EME2: variants seen among roughly 807,000 people sequenced by gnomAD.
EME2 encodes structure-specific endonuclease subunit EME2.
In EME2, 58 loss-of-function variants were observed where a neutral mutation model predicts 41.9. That is an observed-to-expected ratio of 1.38 (90% CI 1.12 to 1.72). The LOEUF is 1.72. Ranked by LOEUF, EME2 falls within the 40% of genes most tolerant of loss-of-function variation. EME2 has a pLI of 0.00. For missense variants in EME2, 695 were observed against 541.9 expected (o/e 1.28, Z -2.81); for synonymous variants, 334 against 239.3 (o/e 1.40, Z -3.65).
At position 1,780,324 on chromosome 16, in the gene EME2, T is replaced by G. The variant is rs1054244992; in HGVS notation, c.*4086T>G. On this transcript the variant is annotated 3_prime_UTR_variant, in exon 8 of 8. Transcript: ENST00000568449. Reference sequence around the variant, plus strand: ...CACTCCTGCTCTGGTCCGAGGGAGATCTCAGGAAACCGACTGGGAAATCAC... The same window carrying G: ...CACTCCTGCTCTGGTCCGAGGGAGAGCTCAGGAAACCGACTGGGAAATCAC... 3 of 152,124 alleles carry G rather than the reference T, an allele frequency of 2.0e-5. No individual in the cohort carries two copies. The highest frequency in any genetic ancestry group is 7.3e-5 in the African/African-American group (3 of 41,356). 9.4% of individuals were successfully genotyped at this position (152,124 alleles called of 1,614,324 possible).
In EME2 at chr16:1,778,429, G is replaced by A. The variant is rs369818441; in HGVS notation, c.*2191G>A. ...AGTCCCAGCAGGGGCTGGGCCCCAC[G>A]CTCACACTCGTCTTCCTCTCCGCAG... On this transcript the variant is annotated 3_prime_UTR_variant, in exon 8 of 8. Coordinates refer to ENST00000568449, the MANE Select transcript of EME2 (RefSeq NM_001257370.2). The A allele has an allele frequency of 4.6e-5, 74 of 1,607,118 alleles. 1 individual carries two copies. Among genetic ancestry groups the A allele is most frequent in the East Asian group, 1.8e-4 (8 of 44,720 alleles).
rs957475807 is a variant in EME2, at chr16:1,777,598, C to T, written c.*1360C>T. The T allele has an allele frequency of 3.5e-6, 5 of 1,409,982 alleles. No homozygotes were observed. Among genetic ancestry groups the T allele is most frequent in the Non-Finnish European group, 3.8e-6 (4 of 1,053,376 alleles). The allele number at this position is 1,409,982 out of a possible 1,614,324, so 87.3% of individuals were successfully genotyped here. A position where few individuals can be genotyped will look rare whatever the true frequency, so the allele number is the denominator to read the frequency against. Reference sequence around the variant, plus strand: ...CGCTGGCCCTGCCACTCCAGCCTGGCCTCACTGTCCCACCCCCTGGGACCC... The same window carrying T: ...CGCTGGCCCTGCCACTCCAGCCTGGTCTCACTGTCCCACCCCCTGGGACCC... On this transcript the variant is annotated 3_prime_UTR_variant, in exon 8 of 8. Transcript: ENST00000568449.
At position 1,776,344 on chromosome 16, in the gene EME2, G is replaced by A; in HGVS notation, c.*106G>A. 2.5e-6 allele frequency: 3 copies of A among 1,202,450 alleles called. No individual in the cohort carries two copies. Among genetic ancestry groups the A allele is most frequent in the Non-Finnish European group, 3.6e-6 (3 of 841,086 alleles). The allele number at this position is 1,202,450 out of a possible 1,614,324, so 74.5% of individuals were successfully genotyped here. A position where few individuals can be genotyped will look rare whatever the true frequency, so the allele number is the denominator to read the frequency against. ...ACATGTGGACCCTCAGCCTGGGTGG[G>A]TTCTCTGGCTGAGCAGGTCTGACCT... On this transcript the variant is annotated 3_prime_UTR_variant, in exon 8 of 8. Transcript: ENST00000568449.
intron 2 of EME2, 60 bp from the exon 3 acceptor site, chr16:1,774,200 C>T (rs1239323906): frequency 1.4e-6 from 2 of 1,470,392 alleles, no homozygotes; most frequent in Non-Finnish European, 1.9e-6. Flanking sequence ...ACTGCCCAGG[C>T]AGGGCCCCTG....
chr16:1,779,944 AC>A lies in EME2; in HGVS notation c.*3709del, dbSNP rs1896659133. The A allele has an allele frequency of 6.6e-6, 1 of 151,850 alleles. No homozygotes were observed. The allele number at this position is 151,850 out of a possible 1,614,324, so 9.4% of individuals were successfully genotyped here. On this transcript the variant is annotated 3_prime_UTR_variant, in exon 8 of 8. Transcript: ENST00000568449. The stretch of plus-strand genomic sequence containing the variant: ...TCCAGGAGACCTCAGGACGGCCCCC[AC>A]CCGGTGGGTAAGGACCCTGTTTCCC...
In EME2 at chr16:1,777,995, G is replaced by C; in HGVS notation, c.*1757G>C. ...CCTCATCCCTGCCCAGCAGGCTGCA[G>C]AACGTGTGGCGGTATTTGTCCAGGT... On this transcript the variant is annotated 3_prime_UTR_variant, in exon 8 of 8. Coordinates refer to ENST00000568449, the MANE Select transcript of EME2 (RefSeq NM_001257370.2). The C allele has an allele frequency of 6.2e-7, 1 of 1,613,216 alleles. No homozygotes were observed. The highest frequency in any genetic ancestry group is 8.5e-7 in the Non-Finnish European group (1 of 1,179,968).
chr16:1,776,470 C>G lies in EME2; in HGVS notation c.*232C>G. On this transcript the variant is annotated 3_prime_UTR_variant, in exon 8 of 8. Transcript: ENST00000568449. ...GGCGGTTCCTGTGCTGAGTCCTGAA[C>G]ACGTAGGCCCCAGGGGAGGCCTCAG... 2.1e-6 allele frequency: 1 copy of G among 470,814 alleles called. No individual in the cohort carries two copies. Among genetic ancestry groups the G allele is most frequent in the South Asian group, 2.7e-5 (1 of 36,366 alleles). 29.2% of individuals were successfully genotyped at this position (470,814 alleles called of 1,614,324 possible).
chr16:1,781,237 C>T lies in EME2; in HGVS notation c.*4999C>T, dbSNP rs1484189878. On this transcript the variant is annotated 3_prime_UTR_variant, in exon 8 of 8. Transcript: ENST00000568449. Reference sequence around the variant, plus strand: ...AGACAGGCCCAGGTTTGGACTGGTCCTCTAGCCTCAGAAGCATCTTTTTCT... The same window carrying T: ...AGACAGGCCCAGGTTTGGACTGGTCTTCTAGCCTCAGAAGCATCTTTTTCT... 1.3e-6 allele frequency: 2 copies of T among 1,594,642 alleles called. No homozygotes were observed. Among genetic ancestry groups the T allele is most frequent in the African/African-American group, 1.3e-5 (1 of 74,712 alleles).
chr16:1,776,948 T>C lies in EME2; in HGVS notation c.*710T>C. Reference sequence around the variant, plus strand: ...CCTAGAGCCCCCACAGAAAGGACTGTCCCAGCCTCGGGAGCAAGAGATGGC... The same window carrying C: ...CCTAGAGCCCCCACAGAAAGGACTGCCCCAGCCTCGGGAGCAAGAGATGGC... On this transcript the variant is annotated 3_prime_UTR_variant, in exon 8 of 8. Coordinates refer to ENST00000568449, the MANE Select transcript of EME2 (RefSeq NM_001257370.2). 2.2e-6 allele frequency: 2 copies of C among 907,314 alleles called. No individual in the cohort carries two copies. The highest frequency in any genetic ancestry group is 3.3e-6 in the Non-Finnish European group (2 of 611,982). 56.2% of individuals were successfully genotyped at this position (907,314 alleles called of 1,614,324 possible).
Position 1,778,363 on chromosome 16 carries a change from T to C in EME2, c.*2125T>C. The C allele has an allele frequency of 6.2e-7, 1 of 1,610,444 alleles. No individual in the cohort carries two copies. The highest frequency in any genetic ancestry group is 1.1e-5 in the South Asian group (1 of 90,962). On this transcript the variant is annotated 3_prime_UTR_variant, in exon 8 of 8. Coordinates refer to ENST00000568449, the MANE Select transcript of EME2 (RefSeq NM_001257370.2). The stretch of plus-strand genomic sequence containing the variant: ...GGCTGGGGCAGCCCTGAGAGCTCCA[T>C]GGGGCTCTGCCCTGCCCACCCCCAG...
Position 1,778,442 on chromosome 16 carries a change from T to C in EME2, c.*2204T>C, listed in dbSNP as rs762992230. 3.7e-6 allele frequency: 6 copies of C among 1,609,476 alleles called. No homozygotes were observed. The highest frequency in any genetic ancestry group is 2.7e-5 in the African/African-American group (2 of 74,892). ...GCTGGGCCCCACGCTCACACTCGTC[T>C]TCCTCTCCGCAGCGGCAGTCCCTGC... On this transcript the variant is annotated 3_prime_UTR_variant, in exon 8 of 8. Transcript: ENST00000568449.
In EME2 at chr16:1,774,319, G is replaced by A. The variant is rs1190484704; in HGVS notation, c.444G>A (p.Glu148=). 1.9e-6 allele frequency: 3 copies of A among 1,612,822 alleles called. No homozygotes were observed. The highest frequency in any genetic ancestry group is 2.2e-5 in the East Asian group (1 of 44,886). ...AATTGCTGCTGCTGCTGGAGCCCGA[G>A]GAGTTTCTGCAGGGCGTCGCCACAC... ...EQELLLLLEP[E]EFLQGVATLT... The change falls in exon 3 of 8, where the codon GAG becomes GAA. Residue 148 remains glutamate (E), a synonymous_variant. Coordinates refer to ENST00000568449, the MANE Select transcript of EME2 (RefSeq NM_001257370.2).
Position 1,781,143 on chromosome 16 carries a change from C to T in EME2, c.*4905C>T. On this transcript the variant is annotated 3_prime_UTR_variant, in exon 8 of 8. Coordinates refer to ENST00000568449, the MANE Select transcript of EME2 (RefSeq NM_001257370.2). ...GAAGAATGCAGTGTGTTCTGAGGTC[C>T]TGTCACCCCTGAGGCTGTGTGTGTC... is the stretch of plus-strand genomic sequence containing the variant. 6.6e-7 allele frequency: 1 copy of T among 1,513,546 alleles called. No individual in the cohort carries two copies. The highest frequency in any genetic ancestry group is 8.8e-7 in the Non-Finnish European group (1 of 1,131,772). The allele number at this position is 1,513,546 out of a possible 1,614,324, so 93.8% of individuals were successfully genotyped here. A position where few individuals can be genotyped will look rare whatever the true frequency, so the allele number is the denominator to read the frequency against.
chr16:1,774,500 G>A, intron 3 of EME2, 148 bp downstream of exon 3: 1 of 653,858 alleles, frequency 1.5e-6, no homozygotes, highest in East Asian at 2.7e-5. Flanking sequence ...CAAAGCCGTA[G>A]AGGTTTCTAG....
chr16:1,777,343 G>C lies in EME2; in HGVS notation c.*1105G>C, dbSNP rs773904753. 1.2e-6 allele frequency: 2 copies of C among 1,608,132 alleles called. No homozygotes were observed. The highest frequency in any genetic ancestry group is 1.7e-6 in the Non-Finnish European group (2 of 1,179,098). On this transcript the variant is annotated 3_prime_UTR_variant, in exon 8 of 8. Transcript: ENST00000568449. ...GGCAGCACAGGTACTGGAGGGAAGT[G>C]GCGCTGGCACAGGAGCGGGTGACCT...
chr16:1,776,439 A>G lies in EME2; in HGVS notation c.*201A>G, dbSNP rs549718614. ...GAGAAGAGGGGCTTCTGGCTGGCAG[A>G]TGGCTGGCGGTTCCTGTGCTGAGTC... is the stretch of plus-strand genomic sequence containing the variant. On this transcript the variant is annotated 3_prime_UTR_variant, in exon 8 of 8. Coordinates refer to ENST00000568449, the MANE Select transcript of EME2 (RefSeq NM_001257370.2). 2.1e-4 allele frequency: 123 copies of G among 573,316 alleles called. No individual in the cohort carries two copies. In the African/African-American group the frequency reaches 2.2e-3, roughly 10 times the overall value. 35.5% of individuals were successfully genotyped at this position (573,316 alleles called of 1,614,324 possible).
rs561349087 is a variant in EME2, at chr16:1,776,460, G to A, written c.*222G>A. ...GCAGATGGCTGGCGGTTCCTGTGCTGAGTCCTGAACACGTAGGCCCCAGGG... is the reference window on the plus strand; with the variant it reads ...GCAGATGGCTGGCGGTTCCTGTGCTAAGTCCTGAACACGTAGGCCCCAGGG... On this transcript the variant is annotated 3_prime_UTR_variant, in exon 8 of 8. Coordinates refer to ENST00000568449, the MANE Select transcript of EME2 (RefSeq NM_001257370.2). The A allele has an allele frequency of 2.3e-5, 13 of 553,530 alleles. No homozygotes were observed. The highest frequency in any genetic ancestry group is 3.2e-5 in the Non-Finnish European group (10 of 313,934). 34.3% of individuals were successfully genotyped at this position (553,530 alleles called of 1,614,324 possible).
chr16:1,775,778 G>A lies in EME2; in HGVS notation c.780-19G>A, dbSNP rs200883392. The A allele has an allele frequency of 6.2e-7, 1 of 1,612,228 alleles. No individual in the cohort carries two copies. Among genetic ancestry groups the A allele is most frequent in the East Asian group, 2.2e-5 (1 of 44,850 alleles). Reference sequence around the variant, plus strand: ...GAGCTGCTCACATGAGGTTCTAAAAGGCTTCTCTCTGTCCCCAGGCAGTAC... The same window carrying A: ...GAGCTGCTCACATGAGGTTCTAAAAAGCTTCTCTCTGTCCCCAGGCAGTAC... On this transcript the variant is annotated intron_variant, in intron 6 of 7. Transcript: ENST00000568449.
chr16:1,775,378 G>T lies in EME2; in HGVS notation c.633G>T (p.Glu211Asp). The T allele has an allele frequency of 6.2e-7, 1 of 1,612,444 alleles. No individual in the cohort carries two copies. The highest frequency in any genetic ancestry group is 1.1e-5 in the South Asian group (1 of 91,078). The change falls in exon 5 of 8, where the codon GAG (glutamate) becomes GAT (aspartate). Residue 211 changes from glutamate (E) to aspartate (D), a missense_variant. Transcript: ENST00000568449. The part of the protein sequence containing the change: ...QPESPKVAGA[E>D]VAVSWPEVEE... ...AGAGCCCGAAGGTGGCCGGTGCCGA[G>T]GTGGCCGTCAGCTGGCCGGAGGTGG...
Sources: gnomAD v4.1 joint callset for allele counts on GRCh38, gnomAD v4.1.1 for gene constraint, MANE v1.5 for transcripts, NCBI Gene and HGNC (gene_info 2026-07-23, HGNC 2026-07-21) for gene names.